The following PRLR variants were observed in gnomAD, a reference collection of about 807,000 sequenced individuals.
The protein encoded by PRLR is hPRL receptor.
Under a neutral mutation model 40.2 loss-of-function variants are expected in PRLR, and 13 were observed. The observed-to-expected ratio is 0.32, with a 90% CI of 0.21 to 0.51. The LOEUF is 0.51. PRLR is among the 20% of genes least tolerant of loss of function. The pLI, the probability that PRLR is intolerant of heterozygous loss-of-function variation, is 0.97. For synonymous variants in PRLR, 269 were observed against 278.7 expected, an observed-to-expected ratio of 0.97 and a Z score of 0.35; for missense variants, 656 against 747.3, an observed-to-expected ratio of 0.88 and a Z score of 1.42.
chr5:35,071,127 T>G (rs1327524387), intron 6 of PRLR, among the ~76,000 whole-genome samples: 1 of 152,136 alleles, frequency 6.6e-6, no homozygotes, highest in East Asian at 1.9e-4. Context: ...GTACATAATA[T>G]CACCTCTGAA....
intron 1 of PRLR, among the ~76,000 whole-genome samples, chr5:35,133,125 AG>A (rs71600970): frequency 0.088 from 13,439 of 152,166 alleles, 809 homozygotes; most frequent in African/African-American, 0.17. Context: ...GACTTATACC[AG>A]GCCTCTCTCT....
intron 1 of PRLR, among the ~76,000 whole-genome samples, chr5:35,211,157 G>C (rs1776158313): frequency 6.6e-6 from 1 of 152,226 alleles, no homozygotes; most frequent in Admixed American, 6.5e-5. Flanking sequence ...TTTGTAGCCA[G>C]TTTAGAGCAC....
At chr5:35,066,798 C>G (rs1352567968) in intron 9 of PRLR, among the ~76,000 whole-genome samples, 2 of 132,652 alleles carry the variant, frequency 1.5e-5, no homozygotes, top group Non-Finnish European at 3.1e-5. Flanking sequence ...GAGTCTCGCT[C>G]TGTTGCCCAG....
intron 5 of PRLR, among the ~76,000 whole-genome samples, chr5:35,075,761 G>T (rs1332473950): frequency 6.6e-6 from 1 of 152,208 alleles, no homozygotes; most frequent in African/African-American, 2.4e-5. Flanking sequence ...CCTGACCCCC[G>T]AGTAGCCTAA....
intron 1 of PRLR, among the ~76,000 whole-genome samples, chr5:35,176,090 T>A (rs931591933): frequency 6.6e-6 from 1 of 152,228 alleles, no homozygotes; most frequent in South Asian, 2.1e-4. Flanking sequence ...GCCCCCATGT[T>A]TATCTGCCTG....
chr5:35,192,881 G>A (rs1459927260), intron 1 of PRLR, among the ~76,000 whole-genome samples: 1 of 152,202 alleles, frequency 6.6e-6, no homozygotes, highest in Non-Finnish European at 1.5e-5. Flanking sequence ...TACAGCAGAA[G>A]CAGCCAGATG....
At chr5:35,111,206 G>A (rs1249853471) in intron 2 of PRLR, among the ~76,000 whole-genome samples, 1 of 152,132 alleles carries the variant, frequency 6.6e-6, no homozygotes, top group Non-Finnish European at 1.5e-5. Flanking sequence ...ATTGAGGGAG[G>A]TAATGCCTTT....
chr5:35,120,562 G>C (rs866452115), intron 1 of PRLR, among the ~76,000 whole-genome samples: 24 of 152,160 alleles, frequency 1.6e-4, no homozygotes, highest in Admixed American at 9.8e-4. Context: ...ATGGGGTGGG[G>C]AGACATAATT....
At chr5:35,108,479 C>T (rs1478325420) in intron 2 of PRLR, among the ~76,000 whole-genome samples, 3 of 152,108 alleles carry the variant, frequency 2.0e-5, no homozygotes, top group African/African-American at 7.2e-5. Context: ...AAAACCCCAT[C>T]GTCTCAGCCC....
rs547511365 is a variant in PRLR, at chr5:35,176,325, A to G, written c.-106+53943T>C. Among the ~76,000 whole-genome samples, 13 of 152,268 alleles carry G rather than the reference A, an allele frequency of 8.5e-5. 1 individual carries two copies. The highest frequency in any genetic ancestry group is 3.4e-3 in the Middle Eastern group (1 of 294). ...TTAACATTTTTTAACTTTCTTTTTT[A>G]TTTTAAAAATTCAGATAAATTTACA... is the stretch of plus-strand genomic sequence containing the variant. On this transcript the variant is annotated intron_variant, in intron 1 of 9. Coordinates refer to ENST00000618457, the MANE Select transcript of PRLR (RefSeq NM_000949.7).
At chr5:35,215,760 G>A (rs1464092610) in intron 1 of PRLR, among the ~76,000 whole-genome samples, 2 of 151,802 alleles carry the variant, frequency 1.3e-5, no homozygotes, top group Non-Finnish European at 2.9e-5. Context: ...TAAGGGCCGG[G>A]CACGGTGGCG....
chr5:35,212,779 G>A (rs1776202790), intron 1 of PRLR, among the ~76,000 whole-genome samples: 1 of 152,206 alleles, frequency 6.6e-6, no homozygotes, highest in Admixed American at 6.5e-5. Flanking sequence ...GAGGGTGGGA[G>A]GAAGTCATAG....
chr5:35,107,193 T>A (rs996269024), intron 2 of PRLR, among the ~76,000 whole-genome samples: 3 of 152,016 alleles, frequency 2.0e-5, no homozygotes, highest in Non-Finnish European at 2.9e-5. Context: ...ACAAAGACAC[T>A]ACATACCAGA....
At chr5:35,088,615 A>G (rs1771005086) in intron 3 of PRLR, among the ~76,000 whole-genome samples, 1 of 152,208 alleles carries the variant, frequency 6.6e-6, no homozygotes, top group East Asian at 1.9e-4. Context: ...TAAAATTACA[A>G]TTAGACAAAT....
downstream of PRLR, among the ~76,000 whole-genome samples, chr5:35,052,794 A>C (rs898390849): frequency 1.6e-4 from 25 of 152,178 alleles, no homozygotes; most frequent in African/African-American, 5.5e-4. Flanking sequence ...AGAGGCTAAG[A>C]AAAATCTAGA....
At chr5:35,048,913 A>G (rs1768376726) in exon 9 of PRLR, 1 of 345,108 alleles carries the variant, frequency 2.9e-6, no homozygotes, top group African/African-American at 2.1e-5. Flanking sequence ...GGGACTGGGG[A>G]TGGGTAGATA....
chr5:35,203,059 T>C (rs1223671678), intron 1 of PRLR, among the ~76,000 whole-genome samples: 7 of 152,176 alleles, frequency 4.6e-5, no homozygotes, highest in African/African-American at 1.4e-4. Flanking sequence ...TGTGTCTGGG[T>C]AAATCTTGTT....
chr5:35,066,891 G>A (rs1769411225), intron 9 of PRLR, among the ~76,000 whole-genome samples: 1 of 151,594 alleles, frequency 6.6e-6, no homozygotes, highest in African/African-American at 2.4e-5. Flanking sequence ...AGCCTCCCGA[G>A]TAGCTGGGAC....
intron 1 of PRLR, among the ~76,000 whole-genome samples, chr5:35,193,962 C>T (rs1375325379): frequency 6.6e-6 from 1 of 152,124 alleles, no homozygotes; most frequent in African/African-American, 2.4e-5. Context: ...TTCCCTGCAG[C>T]ACGGCTCTGG....
Sources: allele counts gnomAD v4.1 joint callset (sites outside exome capture counted in the v4.1 genomes callset), GRCh38; gene constraint gnomAD v4.1.1; transcripts MANE v1.5; gene names NCBI Gene and HGNC (gene_info 2026-07-23, HGNC 2026-07-21).